Variants in TRHDE observed in about 807,000 individuals in gnomAD.
TRHDE encodes thyrotropin-releasing hormone-degrading ectoenzyme.
TRHDE carries 72 observed loss-of-function variants against 125.7 expected under a neutral mutation model. The ratio of observed to expected loss-of-function variants is 0.57; its 90% CI spans 0.47 to 0.70. The LOEUF is 0.70. Ranked by LOEUF, TRHDE falls within the 30% of genes least tolerant of loss-of-function variation. The probability of loss-of-function intolerance (pLI) is 0.00; values close to 1 mark genes in which losing one functional copy is unlikely to be tolerated. For synonymous variants in TRHDE, 509 were observed against 509.1 expected (o/e 1.00, Z 0.00); for missense variants, 1,110 against 1,327.1 (o/e 0.84, Z 2.54).
At chr12:72,565,295 G>T (rs1273979015) in intron 9 of TRHDE, among the ~76,000 whole-genome samples, 1 of 152,058 alleles carries the variant, frequency 6.6e-6, no homozygotes, top group African/African-American at 2.4e-5. Context: ...TCAATTATTT[G>T]TCTTTTCATT....
At chr12:72,379,723 A>T (rs765823228) in intron 3 of TRHDE, among the ~76,000 whole-genome samples, 2 of 152,192 alleles carry the variant, frequency 1.3e-5, no homozygotes, top group Non-Finnish European at 2.9e-5. Flanking sequence ...CTCACAATTG[A>T]ACCACGCAGC....
intron 15 of TRHDE, among the ~76,000 whole-genome samples, chr12:72,650,281 A>G (rs936010292): frequency 1.3e-5 from 2 of 152,090 alleles, no homozygotes; most frequent in Admixed American, 6.6e-5. Flanking sequence ...CAGTCACAGA[A>G]AGACAGTTAT....
In TRHDE at chr12:72,542,515, G is replaced by A. The variant is rs552017261; in HGVS notation, c.1788+159G>A. Among the ~76,000 whole-genome samples, 20 of 151,408 alleles carry A rather than the reference G, an allele frequency of 1.3e-4. No individual in the cohort carries two copies. In the East Asian group the frequency reaches 3.9e-3, roughly 29 times the overall value. On this transcript the variant is annotated intron_variant, in intron 7 of 18. Coordinates refer to ENST00000261180, the MANE Select transcript of TRHDE (RefSeq NM_013381.3). ...ATATGACAAATGAAAATTCTAGATA[G>A]GATACTCACGATATCAACTGACAAA...
At chr12:72,161,431 CAAA>C (rs36001406) in intron 2 of TRHDE, among the ~76,000 whole-genome samples, 4 of 75,450 alleles carry the variant, frequency 5.3e-5, no homozygotes, top group Non-Finnish European at 9.0e-5. Flanking sequence ...GACTCCGTCT[CAAA>C]AAAAAAAAAA....
intron 5 of TRHDE, among the ~76,000 whole-genome samples, chr12:72,485,137 C>T (rs1024718109): frequency 6.6e-6 from 1 of 152,140 alleles, no homozygotes. Context: ...AGGCTCTGAG[C>T]CCAGCTGAAG....
At chr12:72,415,034 C>T (rs1873672563) in intron 3 of TRHDE, among the ~76,000 whole-genome samples, 3 of 152,026 alleles carry the variant, frequency 2.0e-5, no homozygotes, top group Admixed American at 2.0e-4. Flanking sequence ...TTGACAGGGG[C>T]TCCTACTGTT....
intron 5 of TRHDE, among the ~76,000 whole-genome samples, chr12:72,488,376 A>C (rs1401349458): frequency 6.6e-6 from 1 of 152,082 alleles, no homozygotes; most frequent in Admixed American, 6.6e-5. Flanking sequence ...ATATCTGATA[A>C]AATAGACTTC....
At chr12:72,271,351 C>T (rs926103315), upstream of TRHDE, among the ~76,000 whole-genome samples, 1 of 152,192 alleles carries the variant, frequency 6.6e-6, no homozygotes, top group African/African-American at 2.4e-5. Context: ...GACACAGCCA[C>T]ATCTCCCTAG....
chr12:72,360,142 C>G (rs929686345), intron 2 of TRHDE, among the ~76,000 whole-genome samples: 2 of 151,826 alleles, frequency 1.3e-5, no homozygotes, highest in East Asian at 3.9e-4. Context: ...AAGTCTTAAA[C>G]TTTTAGAAGA....
At chr12:72,502,918 A>G (rs527626803) in intron 6 of TRHDE, among the ~76,000 whole-genome samples, 3 of 152,292 alleles carry the variant, frequency 2.0e-5, no homozygotes, top group African/African-American at 7.2e-5. Context: ...CTTCATTTTC[A>G]TAATCTCAGC....
chr12:72,516,208 G>T (rs1257768750), intron 6 of TRHDE, among the ~76,000 whole-genome samples: 3 of 151,422 alleles, frequency 2.0e-5, no homozygotes, highest in Non-Finnish European at 4.4e-5. Context: ...GATGGGGATG[G>T]CATTGAATCT....
In TRHDE at chr12:72,087,614, A is replaced by G. The variant is rs532129012; in HGVS notation, n.174+175A>G. Among the ~76,000 whole-genome samples the G allele has an allele frequency of 7.2e-5, 11 of 152,138 alleles. No homozygotes were observed. In the East Asian group the frequency reaches 1.9e-3, roughly 27 times the overall value. ...CAGGAATTTGTGTCTGATGGCTTCT[A>G]TTTTCTCTTTGAAATAAAGAGGAGA... On this transcript the variant is annotated intron_variant and non_coding_transcript_variant, in intron 1 of 4. Transcript: ENST00000548156.
intron 2 of TRHDE, among the ~76,000 whole-genome samples, chr12:72,227,465 C>T (rs753746813): frequency 2.0e-5 from 3 of 152,156 alleles, no homozygotes; most frequent in Non-Finnish European, 4.4e-5. Context: ...ATTCAATTAA[C>T]TCCAACTGGG....
At chr12:72,161,888 A>G (rs893782468) in intron 2 of TRHDE, among the ~76,000 whole-genome samples, 7 of 152,244 alleles carry the variant, frequency 4.6e-5, no homozygotes, top group Non-Finnish European at 7.3e-5. Context: ...CACTCATCCC[A>G]TTGTACACTT....
intron 3 of TRHDE, among the ~76,000 whole-genome samples, chr12:72,411,798 C>G (rs1274363109): frequency 2.0e-5 from 3 of 152,028 alleles, no homozygotes; most frequent in Admixed American, 6.6e-5. Context: ...AGGAAAAGAA[C>G]AGAGTAGAAA....
At chr12:72,372,154 AT>A (rs1871628089) in intron 2 of TRHDE, among the ~76,000 whole-genome samples, 2 of 151,980 alleles carry the variant, frequency 1.3e-5, no homozygotes, top group South Asian at 4.2e-4. Context: ...GATGCTGAGC[AT>A]TTTTTCATGT....
intron 2 of TRHDE, among the ~76,000 whole-genome samples, chr12:72,359,613 T>A (rs1870977231): frequency 6.6e-6 from 1 of 151,588 alleles, no homozygotes. Context: ...AAGGCTTATG[T>A]GGAGGAAATC....
chr12:72,562,881 A>G lies in TRHDE; in HGVS notation c.1883A>G (p.Asn628Ser). 1 of 1,585,018 alleles carries G rather than the reference A, an allele frequency of 6.3e-7. No individual in the cohort carries two copies. Among genetic ancestry groups the G allele is most frequent in the Non-Finnish European group, 8.5e-7 (1 of 1,170,994 alleles). Residue 628 changes from asparagine (N) to serine (S), a missense_variant, in exon 9 of 19, where the codon AAT (asparagine) becomes AGT (serine). Coordinates refer to ENST00000261180, the MANE Select transcript of TRHDE (RefSeq NM_013381.3). ...TTAAAAAGAAATGGGAAATATGTAA[A>G]TATACAAGAAGTAATGGATCAGTGG... ...EALKRNGKYV[N>S]IQEVMDQWTL...
chr12:72,529,432 T>TTTCTTAA (rs1365223309), intron 6 of TRHDE, among the ~76,000 whole-genome samples: 3 of 152,150 alleles, frequency 2.0e-5, no homozygotes, highest in Non-Finnish European at 4.4e-5. Context: ...CCCCTGTCCC[T>TTTCTTAA]CCCTCTATTC....
Sources: gnomAD v4.1 joint callset for allele counts (sites outside exome capture counted in the v4.1 genomes callset) on GRCh38, gnomAD v4.1.1 for gene constraint, MANE v1.5 for transcripts, NCBI Gene and HGNC (gene_info 2026-07-23, HGNC 2026-07-21) for gene names.